GFPT2: variants seen among roughly 807,000 people sequenced by gnomAD.
The protein encoded by GFPT2 is glutamine--fructose-6-phosphate transaminase 2.
A neutral mutation model predicts 85.6 loss-of-function variants in GFPT2; 62 were observed. The ratio of observed to expected loss-of-function variants is 0.72; its 90% CI spans 0.59 to 0.90. The LOEUF (loss-of-function observed/expected upper bound fraction) is 0.90. Ranked by LOEUF, GFPT2 falls within the 40% of genes least tolerant of loss-of-function variation. The pLI is 0.00. For missense variants in GFPT2, 788 were observed against 893.4 expected (o/e 0.88, Z 1.50); for synonymous variants, 368 against 344.5 (o/e 1.07, Z -0.75).
chr5:180,348,304 T>C (rs1166026190), intron 1 of GFPT2, among the ~76,000 whole-genome samples: 1 of 152,170 alleles, frequency 6.6e-6, no homozygotes, highest in Admixed American at 6.5e-5. Flanking sequence ...CCTGTGTGTG[T>C]TGGGGGAAGA....
chr5:180,304,623 A>C (rs868337693), intron 17 of GFPT2, 149 bp downstream of exon 17: 1 of 728,134 alleles, frequency 1.4e-6, no homozygotes, highest in African/African-American at 1.7e-5. Context: ...AAGTGTGTGC[A>C]CTCCCCACAG....
intron 17 of GFPT2, among the ~76,000 whole-genome samples, chr5:180,304,106 C>G (rs1489018661): frequency 3.3e-5 from 5 of 152,170 alleles, no homozygotes; most frequent in African/African-American, 1.2e-4. Context: ...CAGGGGAGCT[C>G]CCGGGCGACA....
chr5:180,336,056 G>A (rs886190488), intron 3 of GFPT2, 103 bp from the exon 4 acceptor site: 24 of 1,138,002 alleles, frequency 2.1e-5, no homozygotes, highest in South Asian at 1.6e-4. Flanking sequence ...CACCCACACC[G>A]ATGGCACCTC....
chr5:180,309,873 C>T (rs770391591), intron 15 of GFPT2, among the ~76,000 whole-genome samples: 5 of 149,998 alleles, frequency 3.3e-5, no homozygotes, highest in Non-Finnish European at 5.9e-5. Context: ...TGCAGTGGTG[C>T]GATCTCGGCT....
intron 1 of GFPT2, among the ~76,000 whole-genome samples, chr5:180,348,558 C>A (rs1011626102): frequency 1.6e-4 from 25 of 152,210 alleles, no homozygotes; most frequent in African/African-American, 5.8e-4. Context: ...GGCGGGGGCC[C>A]TGAGCAGACG....
rs764283792 is a variant in GFPT2, at chr5:180,328,276, C to T, written c.596+1G>A. 67 of 1,606,718 alleles carry T rather than the reference C, an allele frequency of 4.2e-5. 1 individual carries two copies. Among genetic ancestry groups the T allele is most frequent in the Non-Finnish European group, 5.5e-5 (65 of 1,173,272 alleles). ...GGAAATGCCAGTGTGTTTTGCCTCACCGTGTGGCAACGGCTTCTCCTGGGT... is the reference window on the plus strand; with the variant it reads ...GGAAATGCCAGTGTGTTTTGCCTCATCGTGTGGCAACGGCTTCTCCTGGGT... On this transcript the variant is annotated splice_donor_variant, in intron 7 of 18. Coordinates refer to ENST00000253778, the MANE Select transcript of GFPT2 (RefSeq NM_005110.4). LOFTEE classifies it high-confidence loss of function. This position sits in a 1 kb window ranked among gnomAD's most constrained non-coding sequence, Gnocchi z 5.4.
chr5:180,304,455 T>G (rs1763738431), intron 17 of GFPT2, among the ~76,000 whole-genome samples: 1 of 152,158 alleles, frequency 6.6e-6, no homozygotes. Flanking sequence ...CGGAGCTGCT[T>G]GGCCGCAGAA....
intron 1 of GFPT2, among the ~76,000 whole-genome samples, chr5:180,350,519 C>T (rs1295193577): frequency 6.6e-6 from 1 of 152,214 alleles, no homozygotes; most frequent in Non-Finnish European, 1.5e-5. Context: ...AGCCCTGCGG[C>T]TCACCTGCCC....
At chr5:180,350,151 T>C (rs1394956560) in intron 1 of GFPT2, among the ~76,000 whole-genome samples, 1 of 152,026 alleles carries the variant, frequency 6.6e-6, no homozygotes, top group African/African-American at 2.4e-5. Context: ...GCCTCTGTTG[T>C]GCAGAGTCCC....
chr5:180,320,338 A>AT (rs1383330022), intron 9 of GFPT2, among the ~76,000 whole-genome samples: 9 of 152,202 alleles, frequency 5.9e-5, no homozygotes, highest in South Asian at 2.1e-4. Flanking sequence ...AAGAATAATG[A>AT]TTTTTTTCCC....
intron 15 of GFPT2, among the ~76,000 whole-genome samples, chr5:180,310,865 T>A (rs113616618): frequency 0.014 from 1,443 of 105,816 alleles, 52 homozygotes; most frequent in African/African-American, 0.042. Flanking sequence ...AAAAAAAAAA[T>A]TTTTAGTATA....
Position 180,317,039 on chromosome 5 carries a change from C to T in GFPT2, c.978G>A (p.Met326Ile), listed in dbSNP as rs1764024994. The part of the protein sequence containing the change: ...QIMKGNFSAF[M>I]QKEIFEQPES... ...CTGGCTGTTCGAAGATCTCCTTCTGCATAAACGCACTGAAGTTACCTGGTC... is the reference window on the plus strand; with the variant it reads ...CTGGCTGTTCGAAGATCTCCTTCTGTATAAACGCACTGAAGTTACCTGGTC... The change falls in exon 11 of 19, where the codon ATG (methionine) becomes ATA (isoleucine). Residue 326 changes from methionine (M) to isoleucine (I), a missense_variant. Met to Ile is a conservative substitution (Grantham distance 10). Coordinates refer to ENST00000253778, the MANE Select transcript of GFPT2 (RefSeq NM_005110.4). 6.2e-7 allele frequency: 1 copy of T among 1,604,980 alleles called. No homozygotes were observed. Among genetic ancestry groups the T allele is most frequent in the Non-Finnish European group, 8.5e-7 (1 of 1,171,584 alleles).
In GFPT2 at chr5:180,329,224, G is replaced by A. The variant is rs73813213; in HGVS notation, c.535-886C>T. Among the ~76,000 whole-genome samples, 718 of 152,234 alleles carry A rather than the reference G, an allele frequency of 4.7e-3. 7 individuals are homozygous for A. The highest frequency in any genetic ancestry group is 0.017 in the African/African-American group (695 of 41,538). On this transcript the variant is annotated intron_variant, in intron 6 of 18. Transcript: ENST00000253778. ...CCAGGCCCCGGGTGGTCAGCGTGTC[G>A]GGTCCAGGTTGCCAACTCAGCTACA...
At chr5:180,338,157 T>C (rs1764439435) in intron 2 of GFPT2, among the ~76,000 whole-genome samples, 1 of 152,118 alleles carries the variant, frequency 6.6e-6, no homozygotes, top group Non-Finnish European at 1.5e-5. Context: ...AATTTTTATG[T>C]GCAAAATACA....
At chr5:180,348,567 C>T (rs1022882994) in intron 1 of GFPT2, among the ~76,000 whole-genome samples, 17 of 152,308 alleles carry the variant, frequency 1.1e-4, no homozygotes, top group Non-Finnish European at 5.9e-5. Context: ...CCTGAGCAGA[C>T]GCGGCACCTG....
intron 13 of GFPT2, among the ~76,000 whole-genome samples, chr5:180,315,424 C>A (rs576248034): frequency 6.6e-6 from 1 of 152,130 alleles, no homozygotes; most frequent in Non-Finnish European, 1.5e-5. Flanking sequence ...GTGATCCGCC[C>A]ACCTCAGCCT....
intron 1 of GFPT2, among the ~76,000 whole-genome samples, chr5:180,349,956 G>A (rs1764680753): frequency 6.6e-6 from 1 of 151,942 alleles, no homozygotes; most frequent in Non-Finnish European, 1.5e-5. Flanking sequence ...TCGTGGATGG[G>A]AAGCGCAAAT....
At chr5:180,343,613 G>A (rs951970230) in intron 1 of GFPT2, among the ~76,000 whole-genome samples, 1 of 152,246 alleles carries the variant, frequency 6.6e-6, no homozygotes, top group Admixed American at 6.5e-5. Flanking sequence ...CCTCTTGGCT[G>A]GATCCTCCCT....
chr5:180,316,480 C>A lies in GFPT2; in HGVS notation c.1153-19G>T. 1 of 1,613,976 alleles carries A rather than the reference C, an allele frequency of 6.2e-7. No individual in the cohort carries two copies. Among genetic ancestry groups the A allele is most frequent in the Non-Finnish European group, 8.5e-7 (1 of 1,179,878 alleles). ...GCCGCGTCTGAAGCCAACAAGCAAG[C>A]ATGGAGACTAAAGTCAGTCACAGGC... On this transcript the variant is annotated intron_variant, in intron 12 of 18. Transcript: ENST00000253778.
Sources: gnomAD v4.1 joint callset for allele counts (sites outside exome capture counted in the v4.1 genomes callset) on GRCh38, gnomAD v4.1.1 for gene constraint, Gnocchi (gnomAD v3.1) non-coding constraint, MANE v1.5 for transcripts, NCBI Gene and HGNC (gene_info 2026-07-23, HGNC 2026-07-21) for gene names.